TEX10: variants seen among roughly 807,000 people sequenced by gnomAD.
TEX10 encodes the protein testis-expressed protein 10.
TEX10 carries 24 observed loss-of-function variants against 104.4 expected under a neutral mutation model. The ratio of observed to expected loss-of-function variants is 0.23; its 90% CI spans 0.17 to 0.32. TEX10 has a LOEUF of 0.32. TEX10 is among the 10% of genes least tolerant of loss of function. The probability of loss-of-function intolerance (pLI) is 1.00; values close to 1 mark genes in which losing one functional copy is unlikely to be tolerated. For synonymous variants in TEX10, 396 were observed against 393.4 expected (o/e 1.01, Z -0.08); for missense variants, 921 against 1,083.9 (o/e 0.85, Z 2.11).
At chr9:100,337,844 A>G (rs1835050122) in intron 5 of TEX10, among the ~76,000 whole-genome samples, 1 of 152,100 alleles carries the variant, frequency 6.6e-6, no homozygotes, top group South Asian at 2.1e-4. Context: ...CCCAGTTCAA[A>G]TACTACTCTT....
At chr9:100,345,937 C>T in intron 4 of TEX10, 135 bp downstream of exon 4, 1 of 878,846 alleles carries the variant, frequency 1.1e-6, no homozygotes, top group Non-Finnish European at 1.6e-6. Flanking sequence ...GCAAAACAAA[C>T]AAGTTTACAG....
rs747176608 is a variant in TEX10, at chr9:100,329,190, C to T, written c.1575G>A (p.Lys525=). 4.3e-6 allele frequency: 7 copies of T among 1,612,082 alleles called. No homozygotes were observed. The highest frequency in any genetic ancestry group is 5.1e-6 in the Non-Finnish European group (6 of 1,179,434). The change falls in exon 7 of 15, where the codon AAG becomes AAA. Residue 525 remains lysine (K), a synonymous_variant. Coordinates refer to ENST00000374902, the MANE Select transcript of TEX10 (RefSeq NM_017746.4). ...CTGTCTGATAGATTTTACTGAAAAA[C>T]TTCAATAACAAAGTCCGAACTGGAA... ...LILPVRTLLL[K]FFSKIYQTEE...
chr9:100,326,094 A>G (rs1235532391), intron 9 of TEX10, among the ~76,000 whole-genome samples: 2 of 152,166 alleles, frequency 1.3e-5, no homozygotes, highest in South Asian at 4.1e-4. Context: ...CCCTTATTCC[A>G]AGCTATCTAT....
In TEX10 at chr9:100,303,625, T is replaced by C. The variant is rs758033785; in HGVS notation, c.2676+7A>G. The C allele has an allele frequency of 1.9e-6, 3 of 1,613,868 alleles. No individual in the cohort carries two copies. Among genetic ancestry groups the C allele is most frequent in the Admixed American group, 1.7e-5 (1 of 60,008 alleles). ...TACTGCAAAGCCTCCGGTACCATGC[T>C]TCTTACCGTGATATTCTTGATGATC... is the stretch of plus-strand genomic sequence containing the variant. On this transcript the variant is annotated splice_region_variant and intron_variant, in intron 14 of 14. Coordinates refer to ENST00000374902, the MANE Select transcript of TEX10 (RefSeq NM_017746.4).
intron 4 of TEX10, among the ~76,000 whole-genome samples, chr9:100,345,438 A>T (rs1835277975): frequency 6.6e-6 from 1 of 152,234 alleles, no homozygotes; most frequent in Non-Finnish European, 1.5e-5. Context: ...GCCTTATCAA[A>T]AGTCCTTACA....
At chr9:100,316,505 A>T (rs1432521614) in intron 11 of TEX10, among the ~76,000 whole-genome samples, 1 of 152,200 alleles carries the variant, frequency 6.6e-6, no homozygotes, top group Non-Finnish European at 1.5e-5. Flanking sequence ...CCTATTCAAC[A>T]TAGTACGGGA....
In TEX10 at chr9:100,351,373, AACAAAAC is replaced by A. The variant is rs1306185263; in HGVS notation, c.-10+1392_-10+1398del. 4.9e-4 allele frequency among the ~76,000 whole-genome samples: 51 copies of A among 104,478 alleles called. 4 individuals carry two copies. The South Asian group carries it at 0.012, about 24-fold the overall frequency. The allele number at this position is 104,478 out of a possible 152,430, so 68.5% of individuals were successfully genotyped here. A position where few individuals can be genotyped will look rare whatever the true frequency, so the allele number is the denominator to read the frequency against. ...TAGTTACCTTAGTCTTAAAAAACAA[AACAAAAC>A]AAAAAAAAAAGCTGGGGGTCGGTGG... On this transcript the variant is annotated intron_variant, in intron 1 of 14. Coordinates refer to ENST00000374902, the MANE Select transcript of TEX10 (RefSeq NM_017746.4).
chr9:100,352,700 G>A, intron 1 of TEX10, 72 bp downstream of exon 1: 1 of 1,309,312 alleles, frequency 7.6e-7, no homozygotes, highest in South Asian at 1.8e-5. Context: ...CCGCGGATCG[G>A]GGGGCGACGG....
chr9:100,326,897 T>G (rs929357623), intron 8 of TEX10, among the ~76,000 whole-genome samples: 8 of 152,110 alleles, frequency 5.3e-5, no homozygotes, highest in African/African-American at 1.9e-4. Context: ...AAATACATAT[T>G]TAAAACTACA....
chr9:100,304,687 C>T (rs1421774600), intron 13 of TEX10: 6 of 152,072 alleles, frequency 3.9e-5, no homozygotes, highest in Non-Finnish European at 8.8e-5. Context: ...GGAGAAACCC[C>T]GTCTCTACTA....
At chr9:100,344,266 AGCT>A (rs1260427508) in intron 4 of TEX10, among the ~76,000 whole-genome samples, 7 of 152,200 alleles carry the variant, frequency 4.6e-5, no homozygotes, top group African/African-American at 1.4e-4. Context: ...TATGTTAATG[AGCT>A]GCTAATAAGC....
chr9:100,312,526 G>A (rs1444002871), intron 11 of TEX10, among the ~76,000 whole-genome samples: 3 of 152,162 alleles, frequency 2.0e-5, no homozygotes, highest in Non-Finnish European at 4.4e-5. Context: ...TGTCCAATAA[G>A]AGGATACGGG....
chr9:100,308,072 C>G (rs892625361), intron 13 of TEX10, among the ~76,000 whole-genome samples: 5 of 152,192 alleles, frequency 3.3e-5, no homozygotes, highest in African/African-American at 1.2e-4. Flanking sequence ...ATTAAAAGCA[C>G]TAGCATCTTA....
chr9:100,333,279 A>C (rs576894921), intron 5 of TEX10, among the ~76,000 whole-genome samples: 1 of 152,242 alleles, frequency 6.6e-6, no homozygotes, highest in African/African-American at 2.4e-5. Context: ...CCCTACCTTA[A>C]GCTTGGCCCT....
intron 10 of TEX10, 59 bp downstream of exon 10, chr9:100,321,624 G>A (rs1313844601): frequency 6.7e-6 from 9 of 1,340,708 alleles, no homozygotes; most frequent in Middle Eastern, 2.1e-4. Context: ...ATCTTAGAAG[G>A]AGAATTGTGA....
At chr9:100,324,770 A>C (rs1834660348) in intron 9 of TEX10, among the ~76,000 whole-genome samples, 1 of 152,204 alleles carries the variant, frequency 6.6e-6, no homozygotes, top group African/African-American at 2.4e-5. Context: ...ACGGAACTGA[A>C]TGTAAGTTAT....
In TEX10 at chr9:100,337,409, C is replaced by A. The variant is rs141828264; in HGVS notation, c.1250+2848G>T. ...TTGATGAAAATTATACATGGAATGC[C>A]TTATTTGAAAAAATACACATACATA... is the stretch of plus-strand genomic sequence containing the variant. On this transcript the variant is annotated intron_variant, in intron 5 of 14. Coordinates refer to ENST00000374902, the MANE Select transcript of TEX10 (RefSeq NM_017746.4). Among the ~76,000 whole-genome samples, 823 of 152,274 alleles carry A rather than the reference C, an allele frequency of 5.4e-3. 2 individuals are homozygous for A. Among genetic ancestry groups the A allele is most frequent in the Middle Eastern group, 0.017 (5 of 294 alleles).
At chr9:100,345,060 C>T (rs1190114028) in intron 4 of TEX10, among the ~76,000 whole-genome samples, 1 of 152,118 alleles carries the variant, frequency 6.6e-6, no homozygotes, top group Non-Finnish European at 1.5e-5. Flanking sequence ...AAATTAACTG[C>T]CATATGAGAA....
At chr9:100,317,683 G>A (rs1834457087) in intron 11 of TEX10, among the ~76,000 whole-genome samples, 1 of 151,980 alleles carries the variant, frequency 6.6e-6, no homozygotes, top group Non-Finnish European at 1.5e-5. Context: ...AACTACCTAA[G>A]CAAACAGAAA....
Sources: allele counts gnomAD v4.1 joint callset (sites outside exome capture counted in the v4.1 genomes callset), GRCh38; gene constraint gnomAD v4.1.1; transcripts MANE v1.5; gene names NCBI Gene and HGNC (gene_info 2026-07-23, HGNC 2026-07-21).